Variants in FANCD2OS observed in about 807,000 individuals in gnomAD.
FANCD2OS encodes the protein FANCD2 opposite strand protein.
A neutral mutation model predicts 13.2 loss-of-function variants in FANCD2OS; 11 were observed. That is an observed-to-expected ratio of 0.83 (90% CI 0.52 to 1.38). The LOEUF (loss-of-function observed/expected upper bound fraction) is 1.38. FANCD2OS is among the 40% of genes most tolerant of loss of function. The probability of loss-of-function intolerance (pLI) is 0.00; values close to 1 mark genes in which losing one functional copy is unlikely to be tolerated. For synonymous variants in FANCD2OS, 69 were observed against 84.5 expected (o/e 0.82, Z 1.01); for missense variants, 217 against 213.9 (o/e 1.01, Z -0.09).
At chr3:10,105,667 C>CTG (rs1695447563) in intron 1 of FANCD2OS, among the ~76,000 whole-genome samples, 2 of 148,274 alleles carry the variant, frequency 1.3e-5, no homozygotes, top group Non-Finnish European at 3.0e-5. Flanking sequence ...GTGAGAATTG[C>CTG]TTTAACCCAG....
chr3:10,081,915 G>A (rs1693862070), intron 2 of FANCD2OS, among the ~76,000 whole-genome samples: 2 of 152,204 alleles, frequency 1.3e-5, no homozygotes. Flanking sequence ...GTAGAACTAA[G>A]GGAGGTGTGC....
At position 10,088,912 on chromosome 3, in the gene FANCD2OS, T is replaced by G; in HGVS notation, c.*44-7381A>C. On this transcript the variant is annotated intron_variant, in intron 2 of 2. Coordinates refer to the FANCD2OS transcript ENST00000524279. ...GTGTCCCAGAACTGATCAACTCTCC[T>G]AAAGATGCATCTTCCTCCACATTCC... The G allele has an allele frequency of 6.2e-7, 1 of 1,614,108 alleles. No homozygotes were observed. The highest frequency in any genetic ancestry group is 8.5e-7 in the Non-Finnish European group (1 of 1,179,960).
At position 10,104,452 on chromosome 3, in the gene FANCD2OS, G is replaced by A. The variant is rs1433302866; in HGVS notation, c.323C>T (p.Thr108Ile). 4 of 1,614,100 alleles carry A rather than the reference G, an allele frequency of 2.5e-6. No individual in the cohort carries two copies. The highest frequency in any genetic ancestry group is 3.4e-6 in the Non-Finnish European group (4 of 1,180,052). The stretch of plus-strand genomic sequence containing the variant: ...CCCGGTCCACTTTGGTGGCTGAGCT[G>A]TGATAACCCTGCCAAAGACAGAATC... ...GVDSVFGRVITAQPPKWTGTF... is the reference protein window; with the variant it reads ...GVDSVFGRVIIAQPPKWTGTF... The change falls in exon 2 of 2, where the codon ACA becomes ATA. Residue 108 changes from threonine (T) to isoleucine (I), a missense_variant. Physicochemically the swap from Thr to Ile is moderately conservative, Grantham distance 89. Transcript: ENST00000450660.
At chr3:10,101,777 A>G (rs1256501033), downstream of FANCD2OS, 3 of 207,116 alleles carry the variant, frequency 1.4e-5, no homozygotes, top group Non-Finnish European at 2.0e-5. Context: ...CTAATGTAGC[A>G]TTATTTATTG....
intron 2 of FANCD2OS, among the ~76,000 whole-genome samples, chr3:10,097,802 T>A (rs1179250330): frequency 6.6e-6 from 1 of 152,138 alleles, no homozygotes; most frequent in Non-Finnish European, 1.5e-5. Flanking sequence ...TCTTTACAAT[T>A]TATGTTTAGA....
chr3:10,084,456 A>G lies in FANCD2OS; in HGVS notation c.*44-2925T>C, dbSNP rs183233410. ...AGGCATGTACCACCATGCCCAGCTGATTTTTCCTTTTTTTTTTCTTTGGTA... is the reference window on the plus strand; with the variant it reads ...AGGCATGTACCACCATGCCCAGCTGGTTTTTCCTTTTTTTTTTCTTTGGTA... On this transcript the variant is annotated intron_variant, in intron 2 of 2. Transcript: ENST00000524279. 1.0e-3 allele frequency among the ~76,000 whole-genome samples: 147 copies of G among 147,704 alleles called. 1 individual carries two copies. The highest frequency in any genetic ancestry group is 7.6e-3 in the Middle Eastern group (2 of 262).
rs113441432 is a variant in FANCD2OS, at chr3:10,096,013, AC to A, written c.*43+8184del. The stretch of plus-strand genomic sequence containing the variant: ...ATGTTTAAGGAATTCTCTTAGCTAA[AC>A]AGGGCTACTCTATTGTTTAATATCA... On this transcript the variant is annotated intron_variant, in intron 2 of 2. Coordinates refer to the FANCD2OS transcript ENST00000524279. Among the ~76,000 whole-genome samples the A allele has an allele frequency of 2.0e-4, 30 of 152,266 alleles. 1 individual carries two copies. Among genetic ancestry groups the A allele is most frequent in the African/African-American group, 6.7e-4 (28 of 41,548 alleles).
intron 1 of FANCD2OS, among the ~76,000 whole-genome samples, chr3:10,107,665 G>A (rs887570159): frequency 6.6e-6 from 1 of 151,984 alleles, no homozygotes; most frequent in Admixed American, 6.6e-5. Context: ...GTCCAGCCTA[G>A]GTCGCGGCGC....
At chr3:10,092,258 T>C (rs774194804) in intron 2 of FANCD2OS, 2 of 1,603,674 alleles carry the variant, frequency 1.2e-6, no homozygotes, top group African/African-American at 2.7e-5. Flanking sequence ...TAAAGGTGAG[T>C]ATGGAGACTG....
At chr3:10,096,082 G>A (rs372012199) in intron 2 of FANCD2OS, among the ~76,000 whole-genome samples, 233 of 152,282 alleles carry the variant, frequency 1.5e-3, no homozygotes, top group African/African-American at 5.3e-3. Flanking sequence ...ATTCATTGAA[G>A]ATCGGCCAGT....
chr3:10,085,717 C>G, intron 2 of FANCD2OS: 1 of 846,836 alleles, frequency 1.2e-6, no homozygotes, highest in Non-Finnish European at 2.1e-6. Flanking sequence ...AACCGTTAAA[C>G]TATTGATGGT....
At chr3:10,099,250 A>T, downstream of FANCD2OS, 2 of 1,306,990 alleles carry the variant, frequency 1.5e-6, no homozygotes, top group Non-Finnish European at 2.0e-6. Flanking sequence ...CTGCCACCTT[A>T]GAGAACTGAA....
intron 2 of FANCD2OS, chr3:10,096,536 CA>C: frequency 6.6e-7 from 1 of 1,518,180 alleles, no homozygotes; most frequent in Non-Finnish European, 9.1e-7. Context: ...CATCAGATGG[CA>C]TGTAAGGAAG....
At chr3:10,085,880 T>C in intron 2 of FANCD2OS, 1 of 1,613,786 alleles carries the variant, frequency 6.2e-7, no homozygotes, top group Non-Finnish European at 8.5e-7. Flanking sequence ...AGTAGCCGAC[T>C]GAAACAGGGA....
intron 2 of FANCD2OS, chr3:10,085,901 A>G (rs1477809820): frequency 6.2e-7 from 1 of 1,612,312 alleles, no homozygotes. Context: ...GAACACAGCC[A>G]GCCTTTGGAG....
downstream of FANCD2OS, chr3:10,099,635 G>C (rs914758423): frequency 6.5e-6 from 1 of 154,168 alleles, no homozygotes; most frequent in East Asian, 1.8e-4. Context: ...GCACGTGCCT[G>C]TTATCTCAGC....
chr3:10,101,408 CG>C (rs1489984476), downstream of FANCD2OS: 253 of 553,950 alleles, frequency 4.6e-4, no homozygotes, highest in African/African-American at 5.3e-3. Flanking sequence ...TTTTTAAAGA[CG>C]GGGACTCGCT....
exon 3 of FANCD2OS, chr3:10,081,340 T>A: frequency 6.2e-7 from 1 of 1,613,370 alleles, no homozygotes; most frequent in Non-Finnish European, 8.5e-7. Context: ...TCATTTTTAT[T>A]TTTAGTGTTT....
intron 2 of FANCD2OS, among the ~76,000 whole-genome samples, chr3:10,093,125 A>T (rs1416589389): frequency 6.6e-6 from 1 of 152,118 alleles, no homozygotes; most frequent in African/African-American, 2.4e-5. Flanking sequence ...AGTTGTGATA[A>T]TTACTTTATT....
Sources: allele counts gnomAD v4.1 joint callset (sites outside exome capture counted in the v4.1 genomes callset), GRCh38; gene constraint gnomAD v4.1.1; transcripts MANE v1.5; gene names NCBI Gene and HGNC (gene_info 2026-07-23, HGNC 2026-07-21).